SERPINI1: variants seen among roughly 807,000 people sequenced by gnomAD.
SERPINI1 encodes the protein neuroserpin.
SERPINI1 carries 19 observed loss-of-function variants against 41.1 expected under a neutral mutation model. That is an observed-to-expected ratio of 0.46 (90% CI 0.32 to 0.68). The LOEUF (loss-of-function observed/expected upper bound fraction) is 0.68. Among genes scored for constraint, SERPINI1 ranks in the 30% least tolerant of loss-of-function variants. The pLI is 0.03. For missense variants in SERPINI1, 460 were observed against 479.2 expected (o/e 0.96, Z 0.37); for synonymous variants, 138 against 156.6 (o/e 0.88, Z 0.89).
intron 1 of SERPINI1, among the ~76,000 whole-genome samples, chr3:167,783,107 A>G (rs981619856): frequency 6.6e-5 from 10 of 152,198 alleles, no homozygotes; most frequent in African/African-American, 2.4e-4. Context: ...GGCTCAGCAT[A>G]TGTTGGATTG....
intron 1 of SERPINI1, among the ~76,000 whole-genome samples, chr3:167,751,941 C>CA (rs767047644): frequency 4.6e-5 from 7 of 151,568 alleles, no homozygotes; most frequent in African/African-American, 1.5e-4. Context: ...TTTGACCTAC[C>CA]AAAAAAAGGT....
At chr3:167,736,067 G>A (rs1031094638) in intron 1 of SERPINI1, 1 of 152,242 alleles carries the variant, frequency 6.6e-6, no homozygotes, top group Non-Finnish European at 1.5e-5. Flanking sequence ...ACTGTTCTGG[G>A]AGATCTGAAG....
In SERPINI1 at chr3:167,767,658, A is replaced by T. The variant is rs116093905; in HGVS notation, c.-18-21453A>T. Among the ~76,000 whole-genome samples, 975 of 152,254 alleles carry T rather than the reference A, an allele frequency of 6.4e-3. 14 individuals carry two copies. Among genetic ancestry groups the T allele is most frequent in the African/African-American group, 0.022 (915 of 41,556 alleles). On this transcript the variant is annotated intron_variant, in intron 1 of 8. Coordinates refer to ENST00000446050, the MANE Select transcript of SERPINI1 (RefSeq NM_001122752.2). ...AAATGTTATCTTTTTTGTAAAGAAA[A>T]TTTTTGATTCACGGGAGAAAGTTAA...
intron 6 of SERPINI1, among the ~76,000 whole-genome samples, chr3:167,820,031 C>G (rs569004074): frequency 1.0e-3 from 157 of 152,316 alleles, no homozygotes; most frequent in African/African-American, 3.7e-3. Context: ...GCTGCTGTAA[C>G]AAGTAACAGG....
At chr3:167,800,733 A>G (rs2108563355) in intron 5 of SERPINI1, among the ~76,000 whole-genome samples, 1 of 152,340 alleles carries the variant, frequency 6.6e-6, no homozygotes, top group South Asian at 2.1e-4. Context: ...CTATTAATAA[A>G]GCATTTTAGT....
chr3:167,788,679 G>T (rs563793964), intron 1 of SERPINI1, among the ~76,000 whole-genome samples: 1 of 152,324 alleles, frequency 6.6e-6, no homozygotes, highest in African/African-American at 2.4e-5. Context: ...GCTGCAAGGT[G>T]CATTTACTTT....
At chr3:167,762,189 C>G (rs2108540589) in intron 1 of SERPINI1, among the ~76,000 whole-genome samples, 1 of 152,232 alleles carries the variant, frequency 6.6e-6, no homozygotes, top group Middle Eastern at 3.4e-3. Flanking sequence ...TCTCCTGTTT[C>G]TATAGATACG....
intron 1 of SERPINI1, among the ~76,000 whole-genome samples, chr3:167,788,683 T>G (rs1727394218): frequency 6.6e-6 from 1 of 152,210 alleles, no homozygotes; most frequent in African/African-American, 2.4e-5. Flanking sequence ...CAAGGTGCAT[T>G]TACTTTATAA....
At chr3:167,772,883 TATATATATATACACACACAC>T (rs1247682454) in intron 1 of SERPINI1, among the ~76,000 whole-genome samples, 1 of 70,946 alleles carries the variant, frequency 1.4e-5, no homozygotes, top group African/African-American at 6.4e-5. Context: ...TATATATATA[TATATATATATACACACACAC>T]ACACACACAC....
intron 5 of SERPINI1, among the ~76,000 whole-genome samples, chr3:167,801,750 T>C (rs998340214): frequency 1.1e-4 from 17 of 152,280 alleles, no homozygotes; most frequent in African/African-American, 4.1e-4. Context: ...TAATATTATC[T>C]TTTATTAAGA....
chr3:167,737,480 G>A (rs1725512217), intron 1 of SERPINI1, among the ~76,000 whole-genome samples: 1 of 151,686 alleles, frequency 6.6e-6, no homozygotes, highest in Admixed American at 6.6e-5. Flanking sequence ...GATTTTGGGG[G>A]TAAAAAAAAA....
At chr3:167,822,346 A>G (rs1395630009) in intron 6 of SERPINI1, among the ~76,000 whole-genome samples, 6 of 152,234 alleles carry the variant, frequency 3.9e-5, no homozygotes, top group African/African-American at 7.2e-5. Flanking sequence ...TATAACAGCC[A>G]TTACCTTAAA....
intron 6 of SERPINI1, among the ~76,000 whole-genome samples, chr3:167,810,185 C>T (rs1429061280): frequency 1.3e-5 from 2 of 152,016 alleles, no homozygotes; most frequent in Non-Finnish European, 2.9e-5. Context: ...ACCATATGCT[C>T]TGCTTTGTAA....
rs1286468855 is a variant in SERPINI1, at chr3:167,802,605, A to G, written c.882-4639A>G. Among the ~76,000 whole-genome samples the G allele has an allele frequency of 6.7e-3, 1,014 of 150,836 alleles. 6 individuals are homozygous for G. The highest frequency in any genetic ancestry group is 0.024 in the African/African-American group (965 of 41,056). The stretch of plus-strand genomic sequence containing the variant: ...CCATCTCACACCAGTTAGAATGGCA[A>G]TCATTAAAAAGTCAGGAAACAACAG... On this transcript the variant is annotated intron_variant, in intron 5 of 8. Transcript: ENST00000446050.
intron 1 of SERPINI1, among the ~76,000 whole-genome samples, chr3:167,758,318 G>A (rs1035703311): frequency 2.0e-5 from 3 of 152,066 alleles, no homozygotes; most frequent in African/African-American, 7.2e-5. Flanking sequence ...ACAAATCTGG[G>A]ACAATTTGAA....
chr3:167,764,822 T>C (rs1475165314), intron 1 of SERPINI1, among the ~76,000 whole-genome samples: 1 of 152,184 alleles, frequency 6.6e-6, no homozygotes, highest in Non-Finnish European at 1.5e-5. Flanking sequence ...ATACAGCCGT[T>C]GCAAATGGGA....
chr3:167,804,014 C>T (rs1327417238), intron 5 of SERPINI1, among the ~76,000 whole-genome samples: 1 of 152,142 alleles, frequency 6.6e-6, no homozygotes, highest in Non-Finnish European at 1.5e-5. Flanking sequence ...AATAAGCAAA[C>T]GCATACACAC....
At position 167,789,272 on chromosome 3, in the gene SERPINI1, C is replaced by T. The variant is rs776746623; in HGVS notation, c.144C>T (p.Phe48=). ...RATGEDENIL[F]SPLSIALAMG... ...CTGGTGAAGATGAAAATATTCTCTT[C>T]TCTCCATTGAGTATTGCTCTTGCAA... is the stretch of plus-strand genomic sequence containing the variant. Residue 48 remains phenylalanine (F), a synonymous_variant, in exon 2 of 9, where the codon TTC becomes TTT. Coordinates refer to ENST00000446050, the MANE Select transcript of SERPINI1 (RefSeq NM_001122752.2). 2.5e-6 allele frequency: 4 copies of T among 1,614,154 alleles called. No homozygotes were observed. Among genetic ancestry groups the T allele is most frequent in the South Asian group, 1.1e-5 (1 of 91,080 alleles).
chr3:167,758,269 C>T (rs1314928525), intron 1 of SERPINI1, among the ~76,000 whole-genome samples: 1 of 152,058 alleles, frequency 6.6e-6, no homozygotes, highest in Non-Finnish European at 1.5e-5. Flanking sequence ...TTTAACAAGA[C>T]ATTGATCTAT....
Sources: allele counts gnomAD v4.1 joint callset (sites outside exome capture counted in the v4.1 genomes callset), GRCh38; gene constraint gnomAD v4.1.1; transcripts MANE v1.5; gene names NCBI Gene and HGNC (gene_info 2026-07-23, HGNC 2026-07-21).